Variants in LRRC75A observed in about 807,000 individuals in gnomAD.
LRRC75A encodes leucine-rich repeat-containing protein 75A.
A neutral mutation model predicts 26.0 loss-of-function variants in LRRC75A; 12 were observed. The observed-to-expected ratio is 0.46, with a 90% confidence interval of 0.30 to 0.75. The LOEUF (loss-of-function observed/expected upper bound fraction) is 0.75, where lower values mean the gene tolerates loss of function less well. Ranked by LOEUF, LRRC75A falls within the 30% of genes least tolerant of loss-of-function variation. The pLI is 0.08. For missense variants in LRRC75A, 410 were observed against 486.6 expected (o/e 0.84, Z 1.48); for synonymous variants, 223 against 219.3 (o/e 1.02, Z -0.15).
chr17:16,488,100 C>G (rs2093850597), intron 1 of LRRC75A, among the ~76,000 whole-genome samples: 1 of 152,210 alleles, frequency 6.6e-6, no homozygotes, highest in Non-Finnish European at 1.5e-5. Flanking sequence ...GAAGAGATGA[C>G]AGCTCACCCT....
chr17:16,444,439 T>C (rs2093563281), intron 3 of LRRC75A, among the ~76,000 whole-genome samples: 2 of 152,154 alleles, frequency 1.3e-5, no homozygotes, highest in African/African-American at 4.8e-5. Flanking sequence ...AAGTGCAAAA[T>C]GGTGCCTTGT....
At chr17:16,469,448 C>T (rs556965108) in intron 1 of LRRC75A, among the ~76,000 whole-genome samples, 16 of 152,176 alleles carry the variant, frequency 1.1e-4, no homozygotes, top group Non-Finnish European at 2.4e-4. Context: ...ATCCTACGCT[C>T]AGGCTTCCCC....
At chr17:16,483,739 C>T (rs2093839825) in intron 1 of LRRC75A, among the ~76,000 whole-genome samples, 1 of 152,160 alleles carries the variant, frequency 6.6e-6, no homozygotes, top group African/African-American at 2.4e-5. Flanking sequence ...AGCCAGCCTC[C>T]CTTCTGTGCC....
chr17:16,492,163 G>T lies in LRRC75A; in HGVS notation c.-173C>A. ...GCGGGCGGCTGTCGGCGCTCCCCGC[G>T]CTCCTCCCTCTTGGCTACCCGGGCG... On this transcript the variant is annotated 5_prime_UTR_variant, in exon 1 of 4. Coordinates refer to ENST00000470794, the MANE Select transcript of LRRC75A (RefSeq NM_001113567.3). The T allele has an allele frequency of 7.6e-6, 3 of 396,032 alleles. No individual in the cohort carries two copies. The highest frequency in any genetic ancestry group is 1.0e-5 in the Non-Finnish European group (3 of 292,680). 24.5% of individuals were successfully genotyped at this position (396,032 alleles called of 1,614,324 possible).
intron 1 of LRRC75A, among the ~76,000 whole-genome samples, chr17:16,475,184 C>CA (rs1004082752): frequency 6.6e-6 from 1 of 152,032 alleles, no homozygotes; most frequent in Non-Finnish European, 1.5e-5. Flanking sequence ...AAGGTTGTCT[C>CA]ATACAGTGAG....
chr17:16,452,138 C>G (rs1186527986), intron 2 of LRRC75A, among the ~76,000 whole-genome samples: 1 of 143,252 alleles, frequency 7.0e-6, no homozygotes, highest in Non-Finnish European at 1.5e-5. Context: ...GATCACTTGA[C>G]CCCAGGAGTT....
In LRRC75A at chr17:16,462,122, C is replaced by T. The variant is rs28504633; in HGVS notation, c.375+136G>A. ...TGGCACCAAGGGAGAGCACCTCAAG[C>T]TCTTGGTGCCTGGAGGACGGGCTTG... On this transcript the variant is annotated intron_variant, in intron 2 of 3. Transcript: ENST00000470794. The surrounding 1 kb of genome is among the most constrained non-coding windows in gnomAD (Gnocchi z 4.6). The T allele has an allele frequency of 7.5e-4, 856 of 1,145,334 alleles. 6 individuals carry two copies. In the African/African-American group the frequency reaches 0.012, roughly 16 times the overall value. 70.9% of individuals were successfully genotyped at this position (1,145,334 alleles called of 1,614,324 possible). A position where few individuals can be genotyped will look rare whatever the true frequency, so the allele number is the denominator to read the frequency against.
Position 16,491,849 on chromosome 17 carries a change from T to A in LRRC75A, c.142A>T (p.Met48Leu). 2 of 1,395,132 alleles carry A rather than the reference T, an allele frequency of 1.4e-6. No homozygotes were observed. Among genetic ancestry groups the A allele is most frequent in the South Asian group, 3.0e-5 (2 of 67,538 alleles). The allele number at this position is 1,395,132 out of a possible 1,614,324, so 86.4% of individuals were successfully genotyped here. The change falls in exon 1 of 4, where the codon ATG becomes TTG. Residue 48 changes from methionine (M) to leucine (L), a missense_variant. By Grantham distance (15) the Met-to-Leu change is conservative (BLOSUM62 2). Coordinates refer to ENST00000470794, the MANE Select transcript of LRRC75A (RefSeq NM_001113567.3). The surrounding 1 kb of genome is among the most constrained non-coding windows in gnomAD (Gnocchi z 5.9). The stretch of plus-strand genomic sequence containing the variant: ...CCGACTCGCCGGTGGTAGGGGGGCA[T>A]CCCCGCGCCCGCGCGCCCCGCCTTG... ...GDKAGRAGAGMPPYHRRVGMV... is the reference protein window; with the variant it reads ...GDKAGRAGAGLPPYHRRVGMV...
In LRRC75A at chr17:16,462,369, C is replaced by T. The variant is rs778102342; in HGVS notation, c.264G>A (p.Ser88=). The change falls in exon 2 of 4, where the codon TCG becomes TCA. Residue 88 remains serine, a synonymous_variant. Coordinates refer to ENST00000470794, the MANE Select transcript of LRRC75A (RefSeq NM_001113567.3). The surrounding 1 kb of genome is among the most constrained non-coding windows in gnomAD (Gnocchi z 4.6). ...GATACAGAACGTCGTCTAGCGAGGT[C>T]GACTCCATGCCCAGGTCCTGCAAGA... is the stretch of plus-strand genomic sequence containing the variant. ...QHLRQDLGME[S]TSLDDVLYRY... is the part of the protein sequence containing the mutation. 7.4e-6 allele frequency: 12 copies of T among 1,613,898 alleles called. No individual in the cohort carries two copies. Among genetic ancestry groups the T allele is most frequent in the East Asian group, 6.7e-5 (3 of 44,888 alleles).
At chr17:16,451,998 C>T (rs141672934) in intron 2 of LRRC75A, among the ~76,000 whole-genome samples, 16,007 of 150,678 alleles carry the variant, frequency 0.11, 1,034 homozygotes, top group Middle Eastern at 0.21. Context: ...CCGCCCGCCT[C>T]GGCCTCCCAT....
At chr17:16,445,279 C>T (rs1347216693) in intron 3 of LRRC75A, among the ~76,000 whole-genome samples, 2 of 150,378 alleles carry the variant, frequency 1.3e-5, no homozygotes, top group Non-Finnish European at 2.9e-5. Flanking sequence ...GATTCTCCTG[C>T]CTCAGCCTCC....
rs536507554 is a variant in LRRC75A, at chr17:16,477,028, G to A, written c.247-14642C>T. Reference sequence around the variant, plus strand: ...GCTGGGATTACAGGCGTGAGCCACTGCGCCCGGCCATGCCTGGCTGATTTT... The same window carrying A: ...GCTGGGATTACAGGCGTGAGCCACTACGCCCGGCCATGCCTGGCTGATTTT... On this transcript the variant is annotated intron_variant, in intron 1 of 3. Coordinates refer to ENST00000470794, the MANE Select transcript of LRRC75A (RefSeq NM_001113567.3). Among the ~76,000 whole-genome samples, 210 of 152,264 alleles carry A rather than the reference G, an allele frequency of 1.4e-3. 1 individual carries two copies. Among genetic ancestry groups the A allele is most frequent in the Non-Finnish European group, 2.5e-3 (172 of 68,018 alleles).
At chr17:16,477,495 G>A (rs915987898) in intron 1 of LRRC75A, among the ~76,000 whole-genome samples, 2 of 152,242 alleles carry the variant, frequency 1.3e-5, no homozygotes, top group African/African-American at 4.8e-5. Context: ...AGGCGGGATA[G>A]AGGAGGAGGG....
chr17:16,469,545 T>C (rs1178205132), intron 1 of LRRC75A, among the ~76,000 whole-genome samples: 1 of 152,188 alleles, frequency 6.6e-6, no homozygotes, highest in Non-Finnish European at 1.5e-5. Flanking sequence ...GACGGCCTCC[T>C]TGGGTTGGGA....
At chr17:16,478,191 CTT>C (rs768032038) in intron 1 of LRRC75A, among the ~76,000 whole-genome samples, 11 of 140,068 alleles carry the variant, frequency 7.9e-5, no homozygotes, top group Non-Finnish European at 1.1e-4. Flanking sequence ...CTTTTTTTTT[CTT>C]TTTTTTTTTT....
At chr17:16,468,665 C>A (rs770653671) in intron 1 of LRRC75A, among the ~76,000 whole-genome samples, 3 of 152,208 alleles carry the variant, frequency 2.0e-5, no homozygotes, top group Non-Finnish European at 2.9e-5. Flanking sequence ...GTACTTAACA[C>A]CACTGAGCTG....
At chr17:16,474,349 CAAAT>C (rs2093814630) in intron 1 of LRRC75A, among the ~76,000 whole-genome samples, 1 of 152,350 alleles carries the variant, frequency 6.6e-6, no homozygotes, top group South Asian at 2.1e-4. Context: ...AAGAATTCAA[CAAAT>C]AACCATTTTC....
chr17:16,460,570 C>A (rs1462950181), intron 2 of LRRC75A, among the ~76,000 whole-genome samples: 1 of 152,192 alleles, frequency 6.6e-6, no homozygotes, highest in Non-Finnish European at 1.5e-5. Flanking sequence ...CCTCCTCCTG[C>A]CCCCATGGGC....
chr17:16,487,029 G>A (rs1166236434), intron 1 of LRRC75A, among the ~76,000 whole-genome samples: 5 of 152,154 alleles, frequency 3.3e-5, no homozygotes, highest in Non-Finnish European at 5.9e-5. Flanking sequence ...GTGGGTCTCC[G>A]CCCTCAGGAA....
Sources: allele counts gnomAD v4.1 joint callset (sites outside exome capture counted in the v4.1 genomes callset), GRCh38; gene constraint gnomAD v4.1.1; non-coding constraint Gnocchi (gnomAD v3.1); transcripts MANE v1.5; gene names NCBI Gene and HGNC (gene_info 2026-07-23, HGNC 2026-07-21).